The following FRMD3 variants were observed in gnomAD, a reference collection of about 807,000 sequenced individuals.
FRMD3 encodes the protein FERM domain containing 3.
Under a neutral mutation model 70.2 loss-of-function variants are expected in FRMD3, and 33 were observed. The ratio of observed to expected loss-of-function variants is 0.47; its 90% CI spans 0.36 to 0.63. The LOEUF is 0.63. Among genes scored for constraint, FRMD3 ranks in the 20% least tolerant of loss-of-function variants. The probability of loss-of-function intolerance (pLI) is 0.00; values close to 1 mark genes in which losing one functional copy is unlikely to be tolerated. For missense variants in FRMD3, 632 were observed against 711.4 expected (o/e 0.89, Z 1.27); for synonymous variants, 279 against 255.9 (o/e 1.09, Z -0.86).
intron 1 of FRMD3, among the ~76,000 whole-genome samples, chr9:83,443,061 T>A (rs1827350257): frequency 6.6e-6 from 1 of 152,232 alleles, no homozygotes; most frequent in Non-Finnish European, 1.5e-5. Flanking sequence ...GAAGGAAATG[T>A]TAGCAATGAA....
chr9:83,535,131 C>G (rs1260151484), intron 1 of FRMD3, among the ~76,000 whole-genome samples: 1 of 152,100 alleles, frequency 6.6e-6, no homozygotes, highest in Non-Finnish European at 1.5e-5. Flanking sequence ...TTTTCTTACC[C>G]AAAAGAAGGG....
intron 2 of FRMD3, among the ~76,000 whole-genome samples, chr9:83,380,040 T>C (rs549110577): frequency 1.2e-4 from 18 of 152,306 alleles, no homozygotes; most frequent in African/African-American, 3.8e-4. Context: ...AATTTTTATC[T>C]CAAGGTCTGC....
chr9:83,258,896 T>C (rs73648519), intron 13 of FRMD3, among the ~76,000 whole-genome samples: 4,591 of 152,238 alleles, frequency 0.03, 151 homozygotes, highest in African/African-American at 0.082. Flanking sequence ...GGAACCACCA[T>C]ACTAGTTCCC....
At chr9:83,332,368 CTCTCTCTCTT>C (rs951623196) in intron 6 of FRMD3, among the ~76,000 whole-genome samples, 4 of 151,712 alleles carry the variant, frequency 2.6e-5, no homozygotes, top group African/African-American at 9.7e-5. Flanking sequence ...GTCAGTCTCT[CTCTCTCTCTT>C]TCTCTCTCTC....
intron 1 of FRMD3, among the ~76,000 whole-genome samples, chr9:83,474,759 ACTCT>A (rs1828353359): frequency 6.6e-6 from 1 of 151,254 alleles, no homozygotes; most frequent in South Asian, 2.1e-4. Flanking sequence ...GCCACCCAAC[ACTCT>A]CTCCCCACCA....
intron 1 of FRMD3, among the ~76,000 whole-genome samples, chr9:83,398,789 A>G (rs946586629): frequency 2.6e-5 from 4 of 152,348 alleles, no homozygotes; most frequent in Admixed American, 6.5e-5. Flanking sequence ...TTTTGTGCCC[A>G]GTAAGTATTC....
At chr9:83,292,710 C>T (rs1378065783) in intron 12 of FRMD3, among the ~76,000 whole-genome samples, 4 of 151,940 alleles carry the variant, frequency 2.6e-5, no homozygotes, top group Non-Finnish European at 4.4e-5. Flanking sequence ...TGCAGTGGTA[C>T]GATCTCGGCT....
At chr9:83,454,455 A>G (rs1587869522) in intron 1 of FRMD3, among the ~76,000 whole-genome samples, 1 of 152,348 alleles carries the variant, frequency 6.6e-6, no homozygotes, top group East Asian at 1.9e-4. Context: ...AACCAAATAT[A>G]TTCACAAAGG....
At chr9:83,518,237 A>G (rs1048615593) in intron 1 of FRMD3, among the ~76,000 whole-genome samples, 4 of 152,106 alleles carry the variant, frequency 2.6e-5, no homozygotes, top group Non-Finnish European at 4.4e-5. Flanking sequence ...TATTTAGAAA[A>G]CCCCATCATC....
At chr9:83,576,925 C>A in the FRMD3 span, among the ~76,000 whole-genome samples, 1 of 152,082 alleles carries the variant, frequency 6.6e-6, no homozygotes, top group East Asian at 1.9e-4. Context: ...ACAAAATATG[C>A]ACTATCGATT....
intron 1 of FRMD3, among the ~76,000 whole-genome samples, chr9:83,429,992 G>A (rs1442065596): frequency 6.6e-6 from 1 of 152,170 alleles, no homozygotes; most frequent in Non-Finnish European, 1.5e-5. Flanking sequence ...ACCATTGCCA[G>A]TTTCTTAGAA....
intron 13 of FRMD3, among the ~76,000 whole-genome samples, chr9:83,249,437 A>G (rs1832297694): frequency 6.6e-6 from 1 of 152,208 alleles, no homozygotes; most frequent in African/African-American, 2.4e-5. Context: ...GTTAGCATCA[A>G]AGAAGTGTCC....
chr9:83,540,814 A>G (rs1206018894), upstream of FRMD3, among the ~76,000 whole-genome samples: 2 of 152,232 alleles, frequency 1.3e-5, no homozygotes, highest in Non-Finnish European at 2.9e-5. Flanking sequence ...AGCTCAAAGA[A>G]TATCTTGTTA....
intron 13 of FRMD3, among the ~76,000 whole-genome samples, chr9:83,268,621 G>T (rs532379838): frequency 2.1e-4 from 32 of 152,278 alleles, no homozygotes; most frequent in African/African-American, 7.5e-4. Context: ...ACTGAAAAAA[G>T]CATCTTTATA....
At chr9:83,492,173 T>C (rs768916487) in intron 1 of FRMD3, among the ~76,000 whole-genome samples, 28 of 152,302 alleles carry the variant, frequency 1.8e-4, no homozygotes, top group Admixed American at 1.8e-3. Flanking sequence ...CATTCATTAA[T>C]GTCCTAACAG....
At chr9:83,305,688 C>T (rs1835102674) in intron 10 of FRMD3, among the ~76,000 whole-genome samples, 1 of 152,190 alleles carries the variant, frequency 6.6e-6, no homozygotes, top group Non-Finnish European at 1.5e-5. Context: ...CCTCCTTCCT[C>T]AGGAACAAGG....
chr9:83,303,149 AG>A (rs1834990152), intron 10 of FRMD3, among the ~76,000 whole-genome samples: 1 of 152,196 alleles, frequency 6.6e-6, no homozygotes, highest in South Asian at 2.1e-4. Context: ...TTCCCATTGA[AG>A]TCATAATTTA....
chr9:83,428,347 C>T (rs947959858), intron 1 of FRMD3, among the ~76,000 whole-genome samples: 4 of 151,754 alleles, frequency 2.6e-5, no homozygotes, highest in Non-Finnish European at 5.9e-5. Context: ...CATTGTATTC[C>T]AGCCTGGACA....
chr9:83,471,731 T>C (rs1219452144), intron 1 of FRMD3, among the ~76,000 whole-genome samples: 1 of 152,236 alleles, frequency 6.6e-6, no homozygotes, highest in Non-Finnish European at 1.5e-5. Flanking sequence ...AGGTTTATTT[T>C]ACCAACAGAA....
Sources: gnomAD v4.1 joint callset for allele counts (sites outside exome capture counted in the v4.1 genomes callset) on GRCh38, gnomAD v4.1.1 for gene constraint, MANE v1.5 for transcripts, NCBI Gene and HGNC (gene_info 2026-07-23, HGNC 2026-07-21) for gene names.